Variants in PPHLN1 observed in about 807,000 individuals in gnomAD.
PPHLN1 encodes periphilin-1.
Under a neutral mutation model 51.3 loss-of-function variants are expected in PPHLN1, and 29 were observed. That is an observed-to-expected ratio of 0.57 (90% CI 0.42 to 0.77). The LOEUF is 0.77. Ranked by LOEUF, PPHLN1 falls within the 30% of genes least tolerant of loss-of-function variation. PPHLN1 has a pLI of 0.00. For synonymous variants in PPHLN1, 147 were observed against 147.8 expected, an observed-to-expected ratio of 0.99 and a Z score of 0.04; for missense variants, 436 against 438.4, an observed-to-expected ratio of 0.99 and a Z score of 0.05.
At chr12:42,397,741 T>G (rs1796380) in intron 8 of PPHLN1, among the ~76,000 whole-genome samples, 92,269 of 151,746 alleles carry the variant, frequency 0.61, 28,199 homozygotes, top group Admixed American at 0.67. Context: ...AAAAACTAGG[T>G]TTGTTTGTTT....
intron 9 of PPHLN1, among the ~76,000 whole-genome samples, chr12:42,433,786 A>G (rs2082247181): frequency 6.6e-6 from 1 of 152,202 alleles, no homozygotes; most frequent in Non-Finnish European, 1.5e-5. Context: ...TGGTCTTGCC[A>G]TCTTAGGGGT....
At chr12:42,414,715 T>C (rs184401137) in intron 9 of PPHLN1, among the ~76,000 whole-genome samples, 15 of 152,316 alleles carry the variant, frequency 9.8e-5, no homozygotes, top group African/African-American at 3.1e-4. Flanking sequence ...ATAGTCATCG[T>C]TGACGAACAG....
intron 2 of PPHLN1, among the ~76,000 whole-genome samples, chr12:42,346,530 A>G (rs547208623): frequency 2.6e-5 from 4 of 152,296 alleles, no homozygotes; most frequent in South Asian, 2.1e-4. Context: ...GCAATTGTGA[A>G]TAATGCTGCA....
intron 9 of PPHLN1, among the ~76,000 whole-genome samples, chr12:42,421,867 G>T (rs1033224573): frequency 4.5e-4 from 68 of 151,794 alleles, no homozygotes; most frequent in African/African-American, 1.6e-3. Context: ...TTTTTTTTTG[G>T]TGTAGGATTT....
chr12:42,338,027 AC>A (rs980957587), intron 2 of PPHLN1, among the ~76,000 whole-genome samples: 9 of 150,522 alleles, frequency 6.0e-5, no homozygotes, highest in Middle Eastern at 3.4e-3. Flanking sequence ...CAAGTGATCC[AC>A]CCCCCTCAGC....
At chr12:42,404,071 C>T (rs2079072577) in intron 9 of PPHLN1, among the ~76,000 whole-genome samples, 1 of 151,294 alleles carries the variant, frequency 6.6e-6, no homozygotes, top group Admixed American at 6.6e-5. Context: ...GGTCTCACTG[C>T]ATTCTCTAAT....
At chr12:42,326,606 TC>T (rs2068816723) in intron 1 of PPHLN1, among the ~76,000 whole-genome samples, 1 of 152,156 alleles carries the variant, frequency 6.6e-6, no homozygotes, top group Admixed American at 6.5e-5. Flanking sequence ...TGTTTTGTTT[TC>T]TGGTGAAGAT....
chr12:42,395,131 C>A (rs562427256), intron 8 of PPHLN1, among the ~76,000 whole-genome samples: 1 of 151,934 alleles, frequency 6.6e-6, no homozygotes, highest in South Asian at 2.1e-4. Flanking sequence ...CTGAATAATC[C>A]ATGAGTGACT....
chr12:42,334,811 T>A (rs2070341573), intron 1 of PPHLN1, among the ~76,000 whole-genome samples: 1 of 152,224 alleles, frequency 6.6e-6, no homozygotes, highest in Non-Finnish European at 1.5e-5. Context: ...TTCTTCTCTG[T>A]TAACCATTTG....
At chr12:42,348,705 A>G (rs189707093) in intron 2 of PPHLN1, among the ~76,000 whole-genome samples, 24 of 152,224 alleles carry the variant, frequency 1.6e-4, no homozygotes, top group African/African-American at 5.3e-4. Context: ...TGTGTAATGG[A>G]TTGTTATGGT....
chr12:42,372,672 C>T (rs932568595), intron 4 of PPHLN1, among the ~76,000 whole-genome samples: 3 of 151,984 alleles, frequency 2.0e-5, no homozygotes, highest in Non-Finnish European at 4.4e-5. Context: ...CCTTTGCTTT[C>T]CTCTATACCA....
At chr12:42,434,803 C>T (rs981287097) in intron 9 of PPHLN1, among the ~76,000 whole-genome samples, 2 of 152,234 alleles carry the variant, frequency 1.3e-5, no homozygotes, top group Admixed American at 1.3e-4. Flanking sequence ...AAGCAATTCT[C>T]CTGCCTCACC....
At chr12:42,355,079 A>G in intron 3 of PPHLN1, 82 bp from the exon 4 acceptor site, 1 of 1,272,408 alleles carries the variant, frequency 7.9e-7, no homozygotes, top group Non-Finnish European at 1.1e-6. Flanking sequence ...AATTCGGTCT[A>G]GTTTCTGGTA....
chr12:42,347,972 A>G (rs1486761151), intron 2 of PPHLN1, among the ~76,000 whole-genome samples: 1 of 152,224 alleles, frequency 6.6e-6, no homozygotes, highest in Admixed American at 6.5e-5. Flanking sequence ...CTTTAAGATC[A>G]GGTATCTACA....
Position 42,409,190 on chromosome 12 carries a change from G to C in PPHLN1, c.909+10196G>C, listed in dbSNP as rs576557479. 3.7e-4 allele frequency among the ~76,000 whole-genome samples: 57 copies of C among 152,164 alleles called. 2 individuals carry two copies. The highest frequency in any genetic ancestry group is 1.4e-3 in the African/African-American group (57 of 41,532). On this transcript the variant is annotated intron_variant, in intron 9 of 9. Transcript: ENST00000358314. ...CTATGGAAAGCAAAACTGCTGATTG[G>C]GGGTGAGGGGACTACTGTATAGTCT...
intron 9 of PPHLN1, among the ~76,000 whole-genome samples, chr12:42,437,536 G>A (rs2082588565): frequency 6.6e-6 from 1 of 151,680 alleles, no homozygotes; most frequent in African/African-American, 2.4e-5. Flanking sequence ...TTTATTTTTT[G>A]GAGCTGTTTT....
intron 4 of PPHLN1, among the ~76,000 whole-genome samples, chr12:42,360,110 C>CAAAAAAAAAAAAAAAAAAAAA (rs10643805): frequency 1.9e-4 from 24 of 123,092 alleles, no homozygotes; most frequent in Admixed American, 4.2e-4. Context: ...GACTCCATCT[C>CAAAAAAAAAAAAAAAAAAAAA]AAAAAAAAAA....
chr12:42,390,068 T>C (rs76108483), intron 7 of PPHLN1, among the ~76,000 whole-genome samples: 1,985 of 152,326 alleles, frequency 0.013, 42 homozygotes, highest in African/African-American at 0.044. Context: ...CCATAACGGT[T>C]GTTACATCTG....
At chr12:42,363,049 C>T (rs1275292171) in intron 4 of PPHLN1, among the ~76,000 whole-genome samples, 2 of 152,134 alleles carry the variant, frequency 1.3e-5, no homozygotes, top group Non-Finnish European at 2.9e-5. Flanking sequence ...TCATGTTACC[C>T]CTGGACTTGG....
Sources: allele counts gnomAD v4.1 joint callset (sites outside exome capture counted in the v4.1 genomes callset), GRCh38; gene constraint gnomAD v4.1.1; transcripts MANE v1.5; gene names NCBI Gene and HGNC (gene_info 2026-07-23, HGNC 2026-07-21).